The following C6orf163 variants were observed in gnomAD, a reference collection of about 807,000 sequenced individuals.
The protein encoded by C6orf163 is uncharacterized protein C6orf163.
C6orf163 carries 22 observed loss-of-function variants against 28.4 expected under a neutral mutation model. The ratio of observed to expected loss-of-function variants is 0.78; its 90% CI spans 0.55 to 1.11. The LOEUF (loss-of-function observed/expected upper bound fraction) is 1.11, where lower values mean the gene tolerates loss of function less well. Among genes scored for constraint, C6orf163 ranks in the 50% least tolerant of loss-of-function variants. The pLI is 0.00. For missense variants in C6orf163, 342 were observed against 389.1 expected, an observed-to-expected ratio of 0.88 and a Z score of 1.02; for synonymous variants, 110 against 123.6, an observed-to-expected ratio of 0.89 and a Z score of 0.73.
chr6:87,347,948 G>T (rs1026494415), intron 1 of C6orf163: 2 of 831,360 alleles, frequency 2.4e-6, no homozygotes, highest in African/African-American at 3.7e-5. Context: ...TTGAGGTCAA[G>T]AGTTCGAGAC....
intron 3 of C6orf163, among the ~76,000 whole-genome samples, chr6:87,355,102 A>G (rs2127933093): frequency 6.6e-6 from 1 of 152,382 alleles, no homozygotes; most frequent in Non-Finnish European, 1.5e-5. Context: ...ACAAGACTGT[A>G]CAATTGATGA....
rs1262963165 is a variant in C6orf163 at position 87,348,812 on chromosome 6, A to T, written c.149A>T (p.Asp50Val). Reference protein sequence around the residue: ...TRFYTHKDILDIGANILKKEE... With the variant: ...TRFYTHKDILVIGANILKKEE... ...TGACCATTGCTCTTCAAATACACAG[A>T]TATTGGGGCAAATATTCTGAAAAAA... The change falls in exon 2 of 5, where the codon GAT becomes GTT. Residue 50 changes from aspartate (D) to valine (V), a missense_variant and splice_region_variant. Asp to Val is a radical substitution (Grantham distance 152, BLOSUM62 -3). Coordinates refer to ENST00000388923, the MANE Select transcript of C6orf163 (RefSeq NM_001010868.3). 1 of 1,537,354 alleles carries T rather than the reference A, an allele frequency of 6.5e-7. No individual in the cohort carries two copies. Among genetic ancestry groups the T allele is most frequent in the Non-Finnish European group, 8.7e-7 (1 of 1,146,888 alleles).
chr6:87,363,485 A>G (rs1777607105), intron 4 of C6orf163, among the ~76,000 whole-genome samples: 1 of 151,836 alleles, frequency 6.6e-6, no homozygotes, highest in Admixed American at 6.6e-5. Context: ...TCCTAAAGCT[A>G]TCCCTCCCCG....
chr6:87,359,019 C>T lies in C6orf163; in HGVS notation c.554+2516C>T, dbSNP rs918683324. ...AGGGTTTGTTCACTTCACCAGAGCT[C>T]ATCAAGTACCTTCTGTGGATGTGGC... On this transcript the variant is annotated intron_variant, in intron 4 of 4. Transcript: ENST00000388923. 4.1e-4 allele frequency: 63 copies of T among 152,316 alleles called. 1 individual carries two copies. The highest frequency in any genetic ancestry group is 1.5e-3 in the African/African-American group (62 of 41,550). The allele number at this position is 152,316 out of a possible 1,614,324, so 9.4% of individuals were successfully genotyped here. A position where few individuals can be genotyped will look rare whatever the true frequency, so the allele number is the denominator to read the frequency against.
At chr6:87,359,518 A>T (rs910914851) in intron 4 of C6orf163, among the ~76,000 whole-genome samples, 1 of 152,220 alleles carries the variant, frequency 6.6e-6, no homozygotes, top group African/African-American at 2.4e-5. Flanking sequence ...GGTTACTGGT[A>T]AACACAGTGG....
chr6:87,360,791 C>T (rs557110342), intron 4 of C6orf163, among the ~76,000 whole-genome samples: 18 of 152,280 alleles, frequency 1.2e-4, no homozygotes, highest in South Asian at 4.1e-4. Context: ...GAGAGAGTTT[C>T]GTCTGTATTA....
chr6:87,365,007 G>T lies in C6orf163; in HGVS notation c.601G>T (p.Asp201Tyr), dbSNP rs753793927. 1 of 1,551,466 alleles carries T rather than the reference G, an allele frequency of 6.4e-7. No homozygotes were observed. The highest frequency in any genetic ancestry group is 8.7e-7 in the Non-Finnish European group (1 of 1,146,906). Residue 201 changes from aspartate (D) to tyrosine (Y), a missense_variant, in exon 5 of 5, where the codon GAT becomes TAT. Physicochemically the swap from Asp to Tyr is radical, Grantham distance 160 (BLOSUM62 -3). Coordinates refer to ENST00000388923, the MANE Select transcript of C6orf163 (RefSeq NM_001010868.3). Reference protein sequence around the residue: ...IVNTGVTVIKDEKTSVARLMR... With the variant: ...IVNTGVTVIKYEKTSVARLMR... The stretch of plus-strand genomic sequence containing the variant: ...GAATACTGGTGTCACAGTTATTAAG[G>T]ATGAGAAGACCAGTGTGGCCCGACT...
At chr6:87,347,276 C>A in intron 1 of C6orf163, 2 of 423,248 alleles carry the variant, frequency 4.7e-6, no homozygotes, top group Non-Finnish European at 6.3e-6. Context: ...GAGATTCATC[C>A]AAGTTGTTTA....
intron 3 of C6orf163, among the ~76,000 whole-genome samples, chr6:87,352,959 G>C (rs1219358944): frequency 6.6e-6 from 1 of 152,084 alleles, no homozygotes; most frequent in Non-Finnish European, 1.5e-5. Context: ...CTCAAAACGT[G>C]GGGTGACTCA....
chr6:87,357,998 T>C (rs1305559974), intron 4 of C6orf163: 1 of 152,228 alleles, frequency 6.6e-6, no homozygotes, highest in Non-Finnish European at 1.5e-5. Flanking sequence ...TCTTGAAATA[T>C]TTATTGAACA....
chr6:87,350,278 GTTGT>G, intron 2 of C6orf163, 112 bp from the exon 3 acceptor site: 1 of 677,692 alleles, frequency 1.5e-6, no homozygotes, highest in Non-Finnish European at 2.5e-6. Context: ...GGACTCCATG[GTTGT>G]TGCTAATTTT....
At chr6:87,363,816 T>C (rs1409973722) in intron 4 of C6orf163, among the ~76,000 whole-genome samples, 4 of 152,202 alleles carry the variant, frequency 2.6e-5, no homozygotes, top group Non-Finnish European at 5.9e-5. Flanking sequence ...TACGTGTGCA[T>C]GTGTCTTTAT....
intron 4 of C6orf163, among the ~76,000 whole-genome samples, chr6:87,361,376 G>T (rs945581690): frequency 1.3e-5 from 2 of 152,196 alleles, no homozygotes; most frequent in African/African-American, 4.8e-5. Flanking sequence ...CAGGGAGTCT[G>T]AAAGGGACTG....
At chr6:87,360,733 A>G (rs1777568502) in intron 4 of C6orf163, among the ~76,000 whole-genome samples, 1 of 152,142 alleles carries the variant, frequency 6.6e-6, no homozygotes, top group Non-Finnish European at 1.5e-5. Flanking sequence ...GTAATGTTCC[A>G]ATATAGCTGC....
chr6:87,351,640 G>T (rs993928513), intron 3 of C6orf163, among the ~76,000 whole-genome samples: 1 of 152,206 alleles, frequency 6.6e-6, no homozygotes, highest in South Asian at 2.1e-4. Context: ...TCTTAGGCAG[G>T]CCTGCTCTTC....
At chr6:87,348,478 A>G in intron 1 of C6orf163, 1 of 1,056,838 alleles carries the variant, frequency 9.5e-7, no homozygotes, top group South Asian at 3.4e-5. Flanking sequence ...ATAATGTGCT[A>G]AGACCTCTTG....
Position 87,348,837 on chromosome 6 carries a change from A to G in C6orf163, c.174A>G (p.Lys58=), listed in dbSNP as rs922086113. The change falls in exon 2 of 5, where the codon AAA becomes AAG. Residue 58 remains lysine, a synonymous_variant. Coordinates refer to ENST00000388923, the MANE Select transcript of C6orf163 (RefSeq NM_001010868.3). The part of the protein sequence containing the change: ...ILDIGANILK[K]EEQFQEDILR... Reference sequence around the variant, plus strand: ...ATATTGGGGCAAATATTCTGAAAAAAGAAGAGCAGTTTCAAGAAGATATAC... The same window carrying G: ...ATATTGGGGCAAATATTCTGAAAAAGGAAGAGCAGTTTCAAGAAGATATAC... 32 of 1,537,400 alleles carry G rather than the reference A, an allele frequency of 2.1e-5. No individual in the cohort carries two copies. The highest frequency in any genetic ancestry group is 3.3e-4 in the Middle Eastern group (2 of 6,014).
chr6:87,345,048 G>A lies in C6orf163; in HGVS notation c.-52G>A. On this transcript the variant is annotated 5_prime_UTR_variant, in exon 1 of 5. Transcript: ENST00000388923. ...AGCTTTTCTTGAAACGACTTTTTCT[G>A]ATTCTAAGATTATTTTAACTGTAAG... The A allele has an allele frequency of 7.0e-7, 1 of 1,426,144 alleles. No homozygotes were observed. Among genetic ancestry groups the A allele is most frequent in the South Asian group, 1.4e-5 (1 of 72,142 alleles). 88.3% of individuals were successfully genotyped at this position (1,426,144 alleles called of 1,614,324 possible). A position where few individuals can be genotyped will look rare whatever the true frequency, so the allele number is the denominator to read the frequency against.
At chr6:87,348,681 A>C in intron 1 of C6orf163, 131 bp from the exon 2 acceptor site, 1 of 1,420,184 alleles carries the variant, frequency 7.0e-7, no homozygotes, top group Non-Finnish European at 9.2e-7. Context: ...GTATCTTTGA[A>C]ATATATATAC....
Sources: allele counts gnomAD v4.1 joint callset (sites outside exome capture counted in the v4.1 genomes callset), GRCh38; gene constraint gnomAD v4.1.1; transcripts MANE v1.5; gene names NCBI Gene and HGNC (gene_info 2026-07-23, HGNC 2026-07-21).